OXR1: variants seen among roughly 807,000 people sequenced by gnomAD.
The protein encoded by OXR1 is oxidation resistance protein 1.
Under a neutral mutation model 104.6 loss-of-function variants are expected in OXR1, and 41 were observed. The observed-to-expected ratio is 0.39, with a 90% confidence interval of 0.31 to 0.51. The LOEUF (loss-of-function observed/expected upper bound fraction) is 0.51. Among genes scored for constraint, OXR1 ranks in the 20% least tolerant of loss-of-function variants. The pLI is 0.77. For missense variants in OXR1, 955 were observed against 1,031.9 expected (o/e 0.93, Z 1.02); for synonymous variants, 348 against 348.4 (o/e 1.00, Z 0.01).
intron 2 of OXR1, among the ~76,000 whole-genome samples, chr8:106,422,192 C>T (rs1489791609): frequency 6.6e-6 from 1 of 152,064 alleles, no homozygotes; most frequent in Non-Finnish European, 1.5e-5. Context: ...AAGGAAGTCT[C>T]CTTTCGGAGC....
intron 3 of OXR1, among the ~76,000 whole-genome samples, chr8:106,622,779 C>G (rs919829777): frequency 1.6e-4 from 25 of 152,102 alleles, no homozygotes; most frequent in Admixed American, 8.5e-4. Context: ...TCTTTTTCTC[C>G]TTACACTAAC....
At chr8:106,633,262 C>T (rs145153261) in intron 3 of OXR1, among the ~76,000 whole-genome samples, 1 of 149,640 alleles carries the variant, frequency 6.7e-6, no homozygotes, top group Admixed American at 6.7e-5. Context: ...CAAACAACAA[C>T]AAAAAAAAAG....
At chr8:106,275,377 A>G (rs1337326231) in intron 1 of OXR1, among the ~76,000 whole-genome samples, 2 of 152,212 alleles carry the variant, frequency 1.3e-5, no homozygotes, top group African/African-American at 4.8e-5. Flanking sequence ...CACTTCTGAT[A>G]GCCACAGTGG....
rs758229682 is a variant in OXR1 at position 106,719,568 on chromosome 8, T to TA, written c.1956+5585dup. Reference sequence around the variant, plus strand: ...TGCTGCAGTTAGTTAAAATATCTCTTAAGTCTCTCTAAATGTAGGTTCCTC... The same window carrying TA: ...TGCTGCAGTTAGTTAAAATATCTCTTAAAGTCTCTCTAAATGTAGGTTCCTC... On this transcript the variant is annotated intron_variant, in intron 11 of 16. Coordinates refer to ENST00000517566, the MANE Select transcript of OXR1 (RefSeq NM_001198533.2). Among the ~76,000 whole-genome samples, 4 of 152,276 alleles carry TA rather than the reference T, an allele frequency of 2.6e-5. No homozygotes were observed. The East Asian group carries it at 7.8e-4, about 30-fold the overall frequency.
chr8:106,624,296 A>C (rs1449376403), intron 3 of OXR1, among the ~76,000 whole-genome samples: 1 of 152,230 alleles, frequency 6.6e-6, no homozygotes. Context: ...ATATTTAGAT[A>C]ACAAATGTTA....
chr8:106,707,082 A>G lies in OXR1; in HGVS notation c.1561A>G (p.Ile521Val). Residue 521 changes from isoleucine (I) to valine (V), a missense_variant, in exon 9 of 17, where the codon ATT (isoleucine) becomes GTT (valine). Coordinates refer to ENST00000517566, the MANE Select transcript of OXR1 (RefSeq NM_001198533.2). Reference protein sequence around the residue: ...MQQTKQQRENIQQVSQKEAKH... With the variant: ...MQQTKQQRENVQQVSQKEAKH... ...ACAAACTAAACAGCAAAGGGAAAAT[A>G]TTCAACAAGTGTCACAAAAAGAAGC... 2 of 1,613,984 alleles carry G rather than the reference A, an allele frequency of 1.2e-6. No homozygotes were observed. Among genetic ancestry groups the G allele is most frequent in the Non-Finnish European group, 8.5e-7 (1 of 1,179,920 alleles).
chr8:106,375,877 C>T (rs1002459246), intron 2 of OXR1, among the ~76,000 whole-genome samples: 1 of 152,220 alleles, frequency 6.6e-6, no homozygotes, highest in Non-Finnish European at 1.5e-5. Flanking sequence ...CATGTGGTGC[C>T]TTAGCTCTGC....
chr8:106,305,156 T>TA (rs1813418290), intron 1 of OXR1, among the ~76,000 whole-genome samples: 1 of 152,178 alleles, frequency 6.6e-6, no homozygotes, highest in African/African-American at 2.4e-5. Flanking sequence ...ATTGAAGTGT[T>TA]ACACTACTTT....
At chr8:106,726,089 C>CTCTCTCTTGTGA in intron 11 of OXR1, 1 of 1,208,918 alleles carries the variant, frequency 8.3e-7, no homozygotes, top group East Asian at 2.9e-5. Context: ...TAGTGATTAG[C>CTCTCTCTTGTGA]TCTCTCTCTT....
intron 2 of OXR1, among the ~76,000 whole-genome samples, chr8:106,435,349 G>C (rs973708370): frequency 2.0e-5 from 3 of 152,112 alleles, no homozygotes; most frequent in African/African-American, 7.2e-5. Context: ...TCTTGACAGA[G>C]TCTCTACTTG....
At chr8:106,657,173 TAACG>T in intron 3 of OXR1, among the ~76,000 whole-genome samples, 1 of 152,160 alleles carries the variant, frequency 6.6e-6, no homozygotes. Context: ...AATCCCTCAA[TAACG>T]TTGCCTAAAC....
intron 3 of OXR1, among the ~76,000 whole-genome samples, chr8:106,634,082 T>G (rs900026776): frequency 2.2e-4 from 33 of 152,318 alleles, no homozygotes; most frequent in African/African-American, 7.5e-4. Flanking sequence ...TGTTACAAAA[T>G]TTCCATGATA....
At chr8:106,356,504 A>C (rs1586561086) in intron 1 of OXR1, among the ~76,000 whole-genome samples, 1 of 152,252 alleles carries the variant, frequency 6.6e-6, no homozygotes, top group East Asian at 1.9e-4. Context: ...ATGGGTTCAT[A>C]TGACTCTATC....
At chr8:106,523,126 C>T (rs2130147002) in intron 3 of OXR1, among the ~76,000 whole-genome samples, 1 of 152,320 alleles carries the variant, frequency 6.6e-6, no homozygotes, top group East Asian at 1.9e-4. Context: ...CTAGGGGCCA[C>T]TTGCTTTTCT....
chr8:106,349,901 G>A (rs1815653128), intron 1 of OXR1, among the ~76,000 whole-genome samples: 1 of 152,146 alleles, frequency 6.6e-6, no homozygotes, highest in Admixed American at 6.5e-5. Context: ...GAAGCCTATT[G>A]GAATCAGTAG....
At chr8:106,595,766 T>C (rs1470881922) in intron 3 of OXR1, among the ~76,000 whole-genome samples, 1 of 152,002 alleles carries the variant, frequency 6.6e-6, no homozygotes, top group Non-Finnish European at 1.5e-5. Flanking sequence ...CCATAAACAT[T>C]TGTGCCAGGT....
chr8:106,311,105 T>A (rs891484672), intron 1 of OXR1, among the ~76,000 whole-genome samples: 1 of 152,122 alleles, frequency 6.6e-6, no homozygotes, highest in African/African-American at 2.4e-5. Context: ...CTCTAATTTT[T>A]ATCTTTTTCT....
chr8:106,345,179 T>A (rs1019525736), intron 1 of OXR1, among the ~76,000 whole-genome samples: 4 of 152,234 alleles, frequency 2.6e-5, no homozygotes, highest in Non-Finnish European at 5.9e-5. Context: ...AGGTGCTCAA[T>A]AAATGTTAGA....
intron 2 of OXR1, among the ~76,000 whole-genome samples, chr8:106,474,186 A>G (rs1254049343): frequency 1.3e-5 from 2 of 150,550 alleles, no homozygotes; most frequent in Non-Finnish European, 3.0e-5. Flanking sequence ...GGTAAATCTT[A>G]TTTCTCAAAG....
Sources: gnomAD v4.1 joint callset for allele counts (sites outside exome capture counted in the v4.1 genomes callset) on GRCh38, gnomAD v4.1.1 for gene constraint, MANE v1.5 for transcripts, NCBI Gene and HGNC (gene_info 2026-07-23, HGNC 2026-07-21) for gene names.